Variants in RELL1 observed in about 807,000 individuals in gnomAD.
RELL1 encodes RELT like 1.
In RELL1, 10 loss-of-function variants were observed where a neutral mutation model predicts 23.0. The ratio of observed to expected loss-of-function variants is 0.43; its 90% CI spans 0.27 to 0.74. RELL1 has a LOEUF of 0.74. RELL1 is among the 30% of genes least tolerant of loss of function. The pLI is 0.19. For missense variants in RELL1, 315 were observed against 364.4 expected (o/e 0.86, Z 1.10); for synonymous variants, 146 against 146.8 (o/e 0.99, Z 0.04).
intron 1 of RELL1, among the ~76,000 whole-genome samples, chr4:37,683,485 G>C (rs1247172221): frequency 1.3e-5 from 2 of 152,168 alleles, no homozygotes; most frequent in Non-Finnish European, 2.9e-5. Context: ...GGCTGGGCGC[G>C]GTGGCTCACA....
intron 6 of RELL1, among the ~76,000 whole-genome samples, chr4:37,599,651 A>C (rs1310320991): frequency 6.6e-6 from 1 of 152,220 alleles, no homozygotes; most frequent in Non-Finnish European, 1.5e-5. Context: ...GTACAGCCTG[A>C]TTAATGCTTA....
At chr4:37,599,337 G>T (rs1718959021) in intron 6 of RELL1, among the ~76,000 whole-genome samples, 1 of 152,132 alleles carries the variant, frequency 6.6e-6, no homozygotes, top group Non-Finnish European at 1.5e-5. Flanking sequence ...GAGGAGTTTG[G>T]GGCTAGGCAT....
intron 1 of RELL1, among the ~76,000 whole-genome samples, chr4:37,659,239 G>A (rs933316633): frequency 6.6e-6 from 1 of 152,198 alleles, no homozygotes; most frequent in Non-Finnish European, 1.5e-5. Context: ...TAAATTTGCT[G>A]TATTCTGAGG....
chr4:37,635,154 C>G (rs202133341), intron 4 of RELL1, 31 bp from the exon 5 acceptor site: 1 of 1,551,528 alleles, frequency 6.4e-7, no homozygotes, highest in Non-Finnish European at 8.9e-7. Context: ...AAAAGAGCAA[C>G]TGGTTAAAGG....
chr4:37,669,186 G>A (rs1239579321), intron 1 of RELL1, among the ~76,000 whole-genome samples: 1 of 137,414 alleles, frequency 7.3e-6, no homozygotes, highest in Non-Finnish European at 1.5e-5. Context: ...GGAGGTGGGG[G>A]GGGGGGTCAG....
intron 6 of RELL1, among the ~76,000 whole-genome samples, chr4:37,618,529 C>A (rs183905244): frequency 6.6e-6 from 1 of 152,260 alleles, no homozygotes; most frequent in Admixed American, 6.5e-5. Context: ...TGAGCTATCA[C>A]ACCCAGCATC....
intron 6 of RELL1, among the ~76,000 whole-genome samples, chr4:37,628,900 G>T (rs1720036612): frequency 6.6e-6 from 1 of 152,172 alleles, no homozygotes. Context: ...GTTAAATGTG[G>T]TCAGGACTTC....
chr4:37,633,451 T>C (rs2890505), intron 5 of RELL1, among the ~76,000 whole-genome samples: 54,004 of 123,580 alleles, frequency 0.44, 13,218 homozygotes, highest in South Asian at 0.58. Flanking sequence ...AAAAAAGGCA[T>C]GTTGAATCTG....
At chr4:37,619,331 C>A (rs1488219762) in intron 6 of RELL1, among the ~76,000 whole-genome samples, 1 of 150,966 alleles carries the variant, frequency 6.6e-6, no homozygotes, top group Admixed American at 6.6e-5. Flanking sequence ...TACAGGCGTG[C>A]GGCATCACAC....
At chr4:37,629,443 C>T (rs909936234) in intron 6 of RELL1, among the ~76,000 whole-genome samples, 1 of 152,150 alleles carries the variant, frequency 6.6e-6, no homozygotes, top group Non-Finnish European at 1.5e-5. Context: ...ATGTGAGAAA[C>T]ACATCAGTAC....
chr4:37,662,608 A>AT (rs1721394550), intron 1 of RELL1, among the ~76,000 whole-genome samples: 1 of 151,986 alleles, frequency 6.6e-6, no homozygotes, highest in Non-Finnish European at 1.5e-5. Context: ...AAATCTAAAT[A>AT]TTACCATCCC....
At chr4:37,643,908 G>T (rs1720607677) in intron 3 of RELL1, among the ~76,000 whole-genome samples, 1 of 152,188 alleles carries the variant, frequency 6.6e-6, no homozygotes, top group Non-Finnish European at 1.5e-5. Flanking sequence ...TTACCTGAGG[G>T]CCCAGGAAGG....
Position 37,678,525 on chromosome 4 carries a change from G to T in RELL1, c.88+7675C>A, listed in dbSNP as rs370736170. ...CACTGCCCAACATCCCCTCCTCAAA[G>T]CCCCCTCTGCCCTTTACACAACCAG... On this transcript the variant is annotated intron_variant, in intron 1 of 6. Transcript: ENST00000454158. Among the ~76,000 whole-genome samples, 7 of 152,182 alleles carry T rather than the reference G, an allele frequency of 4.6e-5. No homozygotes were observed. The East Asian group carries it at 1.2e-3, about 25-fold the overall frequency.
chr4:37,683,257 A>G (rs1479738861), intron 1 of RELL1, among the ~76,000 whole-genome samples: 1 of 152,200 alleles, frequency 6.6e-6, no homozygotes, highest in African/African-American at 2.4e-5. Flanking sequence ...AAGGGAATGA[A>G]CTTTGGAATC....
rs1207644622 is a variant in RELL1 at position 37,677,937 on chromosome 4, A to G, written c.88+8263T>C. Among the ~76,000 whole-genome samples the G allele has an allele frequency of 2.6e-5, 4 of 152,266 alleles. No homozygotes were observed. The South Asian group carries it at 8.3e-4, about 32-fold the overall frequency. On this transcript the variant is annotated intron_variant, in intron 1 of 6. Coordinates refer to ENST00000454158, the MANE Select transcript of RELL1 (RefSeq NM_001085400.2). Reference sequence around the variant, plus strand: ...CAGTGAGCCGAGATCACACCATTGCACTCCAGCAGCCTGAGCAACAGAACA... The same window carrying G: ...CAGTGAGCCGAGATCACACCATTGCGCTCCAGCAGCCTGAGCAACAGAACA...
chr4:37,602,707 G>A (rs1719048413), intron 6 of RELL1, among the ~76,000 whole-genome samples: 1 of 152,210 alleles, frequency 6.6e-6, no homozygotes, highest in African/African-American at 2.4e-5. Context: ...ACTCCTGTGA[G>A]ACAGGTCATT....
downstream of RELL1, chr4:37,590,707 G>C (rs781001298): frequency 3.7e-6 from 6 of 1,614,020 alleles, no homozygotes; most frequent in Admixed American, 3.3e-5. Flanking sequence ...TGAATCCCTA[G>C]AGGGAATTCA....
intron 1 of RELL1, among the ~76,000 whole-genome samples, chr4:37,664,986 G>T (rs923253726): frequency 1.3e-5 from 2 of 152,156 alleles, no homozygotes; most frequent in Non-Finnish European, 2.9e-5. Flanking sequence ...AAGTGGAGGT[G>T]GGGAAGTGAA....
chr4:37,595,558 T>C (rs927657969), intron 6 of RELL1, among the ~76,000 whole-genome samples: 17 of 75,728 alleles, frequency 2.2e-4, no homozygotes, highest in Non-Finnish European at 4.9e-4. Context: ...GTAGCCAGGA[T>C]TGTGCTGGAT....
Sources: allele counts gnomAD v4.1 joint callset (sites outside exome capture counted in the v4.1 genomes callset), GRCh38; gene constraint gnomAD v4.1.1; transcripts MANE v1.5; gene names NCBI Gene and HGNC (gene_info 2026-07-23, HGNC 2026-07-21).